Variants in AGXT observed in about 807,000 individuals in gnomAD.
AGXT encodes the protein L-alanine: glyoxylate aminotransferase 1.
A neutral mutation model predicts 46.9 loss-of-function variants in AGXT; 41 were observed. That is an observed-to-expected ratio of 0.88 (90% CI 0.68 to 1.14). The LOEUF is 1.14. Ranked by LOEUF, AGXT falls within the 50% of genes most tolerant of loss-of-function variation. AGXT has a pLI of 0.00. For missense variants in AGXT, 525 were observed against 522.7 expected (o/e 1.00, Z -0.04); for synonymous variants, 244 against 227.9 (o/e 1.07, Z -0.64).
In AGXT at chr2:240,868,964, G is replaced by C. The variant is rs1181815243; in HGVS notation, c.99G>C (p.Leu33=). ...QLLLGPGPSN[L]PPRIMAAGGL... ...TGCTGGGGCCTGGTCCTTCCAACCT[G>C]CCTCCTCGCATCATGGCAGCCGGGG... Residue 33 remains leucine, a synonymous_variant, in exon 1 of 11, where the codon CTG becomes CTC. Coordinates refer to ENST00000307503, the MANE Select transcript of AGXT (RefSeq NM_000030.3). The C allele has an allele frequency of 6.2e-7, 1 of 1,602,988 alleles. No homozygotes were observed. The highest frequency in any genetic ancestry group is 1.3e-5 in the African/African-American group (1 of 74,260).
intron 3 of AGXT, among the ~76,000 whole-genome samples, chr2:240,871,032 A>T (rs1161173261): frequency 6.6e-6 from 1 of 151,940 alleles, no homozygotes; most frequent in African/African-American, 2.4e-5. Flanking sequence ...CACTCAGGAT[A>T]CCCCACCCTG....
In AGXT at chr2:240,874,000, C is replaced by T. The variant is rs1237652691; in HGVS notation, c.618C>T (p.Gly206=). 3 of 1,613,708 alleles carry T rather than the reference C, an allele frequency of 1.9e-6. No individual in the cohort carries two copies. Among genetic ancestry groups the T allele is most frequent in the Non-Finnish European group, 8.5e-7 (1 of 1,180,010 alleles). ...DRQGIDILYS[G]SQKALNAPPG... Reference sequence around the variant, plus strand: ...CAGGCATCGACATCCTGTACTCGGGCTCCCAGAAGGCCCTGAACGCCCCTC... The same window carrying T: ...CAGGCATCGACATCCTGTACTCGGGTTCCCAGAAGGCCCTGAACGCCCCTC... Residue 206 remains glycine (G), a synonymous_variant, in exon 6 of 11, where the codon GGC becomes GGT. Coordinates refer to ENST00000307503, the MANE Select transcript of AGXT (RefSeq NM_000030.3).
chr2:240,877,780 G>A, intron 9 of AGXT, 148 bp downstream of exon 9: 1 of 1,037,934 alleles, frequency 9.6e-7, no homozygotes, highest in Non-Finnish European at 1.4e-6. Flanking sequence ...ATTAGTCTCG[G>A]CAGGAGCCAC....
Position 240,872,879 on chromosome 2 carries a change from G to C in AGXT, c.525-100G>C, listed in dbSNP as rs1477813283. ...AGGTGGGAGGTGCCCTGCCTTCCTT[G>C]CCAGCCTGAGGCTCAGAAACCCCAT... On this transcript the variant is annotated intron_variant, in intron 4 of 10. Coordinates refer to ENST00000307503, the MANE Select transcript of AGXT (RefSeq NM_000030.3). 2.8e-6 allele frequency: 3 copies of C among 1,079,096 alleles called. No individual in the cohort carries two copies. The African/African-American group carries it at 4.6e-5, about 17-fold the overall frequency. 66.8% of individuals were successfully genotyped at this position (1,079,096 alleles called of 1,614,324 possible). A position where few individuals can be genotyped will look rare whatever the true frequency, so the allele number is the denominator to read the frequency against.
intron 6 of AGXT, among the ~76,000 whole-genome samples, chr2:240,874,531 T>C (rs904583663): frequency 6.6e-6 from 1 of 152,212 alleles, no homozygotes; most frequent in African/African-American, 2.4e-5. Flanking sequence ...GCGGTTCCCA[T>C]CCAGCTGCAG....
intron 10 of AGXT, 29 bp downstream of exon 10, chr2:240,878,179 G>A: frequency 6.2e-7 from 1 of 1,610,758 alleles, no homozygotes; most frequent in African/African-American, 1.3e-5. Flanking sequence ...AGGGCCTTTT[G>A]CAGAAACCAA....
chr2:240,879,074 G>A lies in AGXT; in HGVS notation c.*253G>A, dbSNP rs908066615. The A allele has an allele frequency of 3.8e-5, 22 of 583,932 alleles. No homozygotes were observed. In the African/African-American group the frequency reaches 3.9e-4, roughly 10 times the overall value. The allele number at this position is 583,932 out of a possible 1,614,324, so 36.2% of individuals were successfully genotyped here. On this transcript the variant is annotated 3_prime_UTR_variant, in exon 11 of 11. Transcript: ENST00000307503. ...AAATGAGCTGCAGTCCCCAGGCCAT[G>A]AGCCTCCCGGGAATGTTTAATAAAG...
chr2:240,878,112 A>G lies in AGXT; in HGVS notation c.1033A>G (p.Ile345Val), dbSNP rs372799517. 6 of 1,613,142 alleles carry G rather than the reference A, an allele frequency of 3.7e-6. No individual in the cohort carries two copies. The highest frequency in any genetic ancestry group is 4.5e-5 in the East Asian group (2 of 44,874). ...CAGCTACGTCATAGACCACTTCGAC[A>G]TTGAGATCATGGGTGGCCTTGGGCC... ...IVSYVIDHFD[I>V]EIMGGLGPST... The change falls in exon 10 of 11, where the codon ATT (isoleucine) becomes GTT (valine). Residue 345 changes from isoleucine (I) to valine (V), a missense_variant. Physicochemically the swap from Ile to Val is conservative, Grantham distance 29. Coordinates refer to ENST00000307503, the MANE Select transcript of AGXT (RefSeq NM_000030.3).
chr2:240,874,028 G>A lies in AGXT; in HGVS notation c.646G>A (p.Gly216Arg), dbSNP rs180177252. ...GSQKALNAPP[G>R]TSLISFSDKA... Reference sequence around the variant, plus strand: ...CCAGAAGGCCCTGAACGCCCCTCCAGGGACCTCGCTCATCTCCTTCAGTGA... The same window carrying A: ...CCAGAAGGCCCTGAACGCCCCTCCAAGGACCTCGCTCATCTCCTTCAGTGA... The change falls in exon 6 of 11, where the codon GGG (glycine) becomes AGG (arginine). Residue 216 changes from glycine to arginine, a missense_variant. Coordinates refer to ENST00000307503, the MANE Select transcript of AGXT (RefSeq NM_000030.3). The A allele has an allele frequency of 1.2e-6, 2 of 1,613,676 alleles. No homozygotes were observed.
intron 8 of AGXT, chr2:240,877,177 G>A: frequency 2.2e-6 from 1 of 457,292 alleles, no homozygotes. Flanking sequence ...AGGGGGCCTG[G>A]GAGCCAGCAC....
In AGXT at chr2:240,873,129, C is replaced by A. The variant is rs114721034; in HGVS notation, c.595+80C>A. ...TGCAGGAAGCCCTGCTGGAAGCGTG[C>A]GTCCAGCAGCCGATGCTGCGGATTC... On this transcript the variant is annotated intron_variant, in intron 5 of 10. Transcript: ENST00000307503. The A allele has an allele frequency of 3.9e-4, 495 of 1,256,624 alleles. 1 individual carries two copies. The African/African-American group carries it at 6.7e-3, about 17-fold the overall frequency. 77.8% of individuals were successfully genotyped at this position (1,256,624 alleles called of 1,614,324 possible). A position where few individuals can be genotyped will look rare whatever the true frequency, so the allele number is the denominator to read the frequency against.
intron 2 of AGXT, 131 bp from the exon 3 acceptor site, chr2:240,870,513 C>T (rs954117837): frequency 6.7e-6 from 7 of 1,049,602 alleles, no homozygotes; most frequent in Middle Eastern, 3.0e-4. Flanking sequence ...CCTCTTCAGG[C>T]AGGCAGCCAG....
rs1388835125 is a variant in AGXT at position 240,879,121 on chromosome 2, T to C, written c.*300T>C. On this transcript the variant is annotated 3_prime_UTR_variant, in exon 11 of 11. Coordinates refer to ENST00000307503, the MANE Select transcript of AGXT (RefSeq NM_000030.3). The stretch of plus-strand genomic sequence containing the variant: ...AAAGGGCCTGGCCAACTCTCCTCAC[T>C]GTGTGGGGTGGTCTGTGAAAGAGTG... 2 of 505,678 alleles carry C rather than the reference T, an allele frequency of 4.0e-6. No individual in the cohort carries two copies. Among genetic ancestry groups the C allele is most frequent in the Admixed American group, 6.5e-5 (2 of 30,622 alleles). The allele number at this position is 505,678 out of a possible 1,614,324, so 31.3% of individuals were successfully genotyped here. A position where few individuals can be genotyped will look rare whatever the true frequency, so the allele number is the denominator to read the frequency against.
intron 7 of AGXT, 28 bp from the exon 8 acceptor site, chr2:240,875,907 C>T (rs753113788): frequency 1.9e-6 from 3 of 1,613,414 alleles, no homozygotes; most frequent in Admixed American, 3.3e-5. Flanking sequence ...GCCCATGGTG[C>T]TGGACCAAGC....
At position 240,879,436 on chromosome 2, in the gene AGXT, A is replaced by G. The variant is rs1300036106; in HGVS notation, c.*615A>G. On this transcript the variant is annotated 3_prime_UTR_variant, in exon 11 of 11. Transcript: ENST00000307503. ...GGAAGCCTCCAATGGAAGGTCCCCT[A>G]TGCTCCCATCCAGCCAGTGCCCACC... The G allele has an allele frequency of 6.4e-6, 1 of 155,260 alleles. No homozygotes were observed. The allele number at this position is 155,260 out of a possible 1,614,324, so 9.6% of individuals were successfully genotyped here. A position where few individuals can be genotyped will look rare whatever the true frequency, so the allele number is the denominator to read the frequency against.
intron 2 of AGXT, among the ~76,000 whole-genome samples, chr2:240,870,347 T>C (rs2058984590): frequency 1.3e-5 from 2 of 152,134 alleles, no homozygotes; most frequent in South Asian, 4.1e-4. Context: ...GAGCTCACTC[T>C]CTGCTTGGGG....
At chr2:240,869,999 G>T (rs1330639971) in intron 2 of AGXT, among the ~76,000 whole-genome samples, 1 of 152,156 alleles carries the variant, frequency 6.6e-6, no homozygotes, top group Non-Finnish European at 1.5e-5. Flanking sequence ...TTTTCAAGGG[G>T]ACCCAGGGTC....
At chr2:240,875,333 C>T in intron 7 of AGXT, 129 bp downstream of exon 7, 1 of 769,702 alleles carries the variant, frequency 1.3e-6, no homozygotes, top group Non-Finnish European at 2.1e-6. Flanking sequence ...CCAACTAGAG[C>T]CCCAGAATCC....
At position 240,878,136 on chromosome 2, in the gene AGXT, C is replaced by A. The variant is rs2059038442; in HGVS notation, c.1057C>A (p.Pro353Thr). ...FDIEIMGGLG[P>T]STGKVLRIGL... ...CATTGAGATCATGGGTGGCCTTGGGCCCTCCACGGGGAAGGTGAGAGGGAG... is the reference window on the plus strand; with the variant it reads ...CATTGAGATCATGGGTGGCCTTGGGACCTCCACGGGGAAGGTGAGAGGGAG... Residue 353 changes from proline to threonine, a missense_variant, in exon 10 of 11, where the codon CCC (proline) becomes ACC (threonine). Physicochemically the swap from Pro to Thr is conservative, Grantham distance 38 (BLOSUM62 -1). Coordinates refer to ENST00000307503, the MANE Select transcript of AGXT (RefSeq NM_000030.3). 1 of 1,612,862 alleles carries A rather than the reference C, an allele frequency of 6.2e-7. No homozygotes were observed. The highest frequency in any genetic ancestry group is 1.3e-5 in the African/African-American group (1 of 74,928).
Sources: allele counts gnomAD v4.1 joint callset (sites outside exome capture counted in the v4.1 genomes callset), GRCh38; gene constraint gnomAD v4.1.1; transcripts MANE v1.5; gene names NCBI Gene and HGNC (gene_info 2026-07-23, HGNC 2026-07-21).